The following SPON1 variants were observed in gnomAD, a reference collection of about 807,000 sequenced individuals.
The protein encoded by SPON1 is spondin-1.
SPON1 carries 52 observed loss-of-function variants against 111.7 expected under a neutral mutation model. The observed-to-expected ratio is 0.47, with a 90% CI of 0.37 to 0.59. SPON1 has a LOEUF of 0.59. Ranked by LOEUF, SPON1 falls within the 20% of genes least tolerant of loss-of-function variation. The pLI is 0.00. For synonymous variants in SPON1, 410 were observed against 395.8 expected, an observed-to-expected ratio of 1.04 and a Z score of -0.43; for missense variants, 957 against 1,068.5, an observed-to-expected ratio of 0.90 and a Z score of 1.46.
intron 15 of SPON1, among the ~76,000 whole-genome samples, chr11:14,264,854 GGAA>G (rs1237834852): frequency 6.6e-6 from 1 of 152,158 alleles, no homozygotes. Flanking sequence ...ATGCTGAGTA[GGAA>G]GAACAAAAAT....
chr11:13,978,796 G>A (rs77300238), intron 1 of SPON1, among the ~76,000 whole-genome samples: 2,586 of 152,176 alleles, frequency 0.017, 54 homozygotes, highest in African/African-American at 0.058. Context: ...AATACAACAG[G>A]GCGACATGAC....
At chr11:14,190,310 A>AT (rs1415008331) in intron 6 of SPON1, among the ~76,000 whole-genome samples, 1 of 152,214 alleles carries the variant, frequency 6.6e-6, no homozygotes, top group Admixed American at 6.5e-5. Flanking sequence ...TAAGCTGATC[A>AT]TTTTTTAAAA....
intron 1 of SPON1, among the ~76,000 whole-genome samples, chr11:13,973,750 A>ATTAAATATTACTG (rs1848080947): frequency 6.6e-6 from 1 of 152,230 alleles, no homozygotes; most frequent in African/African-American, 2.4e-5. Flanking sequence ...GGTAAATACT[A>ATTAAATATTACTG]TTAAATATTA....
At chr11:14,138,281 G>A (rs977886845) in intron 6 of SPON1, among the ~76,000 whole-genome samples, 1 of 151,908 alleles carries the variant, frequency 6.6e-6, no homozygotes, top group African/African-American at 2.4e-5. Context: ...TATTCTTGGA[G>A]GTAAATTTTA....
At chr11:14,128,816 A>G (rs1554927262) in intron 5 of SPON1, among the ~76,000 whole-genome samples, 3 of 152,188 alleles carry the variant, frequency 2.0e-5, no homozygotes, top group East Asian at 1.9e-4. Flanking sequence ...GAGGTCCCCA[A>G]ACCTCAATTC....
At chr11:14,249,699 C>T (rs1554940524) in intron 7 of SPON1, among the ~76,000 whole-genome samples, 1 of 152,160 alleles carries the variant, frequency 6.6e-6, no homozygotes, top group African/African-American at 2.4e-5. Context: ...GTATCAAAAT[C>T]CTTTCTTACC....
rs184604221 is a variant in SPON1, at chr11:14,135,817, T to C, written c.825+249T>C. Among the ~76,000 whole-genome samples, 1 of 152,288 alleles carries C rather than the reference T, an allele frequency of 6.6e-6. No homozygotes were observed. The highest frequency in any genetic ancestry group is 1.9e-4 in the East Asian group (1 of 5,180). On this transcript the variant is annotated intron_variant, in intron 6 of 15. Coordinates refer to ENST00000576479, the MANE Select transcript of SPON1 (RefSeq NM_006108.4). The surrounding 1 kb of genome is among the most constrained non-coding windows in gnomAD (Gnocchi z 4.4). ...GCTAAATGCTGCTGCTGTGGCCATA[T>C]TGTTGGGATGCCTTGTCTCTAGTCT...
At chr11:14,160,744 A>ATT (rs1847922896) in intron 6 of SPON1, among the ~76,000 whole-genome samples, 4 of 37,866 alleles carry the variant, frequency 1.1e-4, no homozygotes, top group East Asian at 1.2e-3. Context: ...TATTTAATTT[A>ATT]TATATATTTA....
intron 2 of SPON1, among the ~76,000 whole-genome samples, chr11:14,016,745 A>C (rs1848446776): frequency 6.6e-6 from 1 of 152,228 alleles, no homozygotes; most frequent in South Asian, 2.1e-4. Flanking sequence ...TTTGGAGACT[A>C]AAATTGGGAA....
At chr11:14,034,761 C>G (rs921126737) in intron 2 of SPON1, among the ~76,000 whole-genome samples, 3 of 152,216 alleles carry the variant, frequency 2.0e-5, no homozygotes, top group African/African-American at 7.2e-5. Context: ...GCTCCAGTTC[C>G]TCATCTGTAA....
At chr11:13,982,301 TG>T (rs1848150692) in intron 1 of SPON1, among the ~76,000 whole-genome samples, 1 of 152,180 alleles carries the variant, frequency 6.6e-6, no homozygotes, top group Non-Finnish European at 1.5e-5. Flanking sequence ...AGGGGGCTAC[TG>T]TATATCATGT....
intron 6 of SPON1, among the ~76,000 whole-genome samples, chr11:14,238,762 C>A (rs1407577891): frequency 6.6e-6 from 1 of 152,146 alleles, no homozygotes; most frequent in Admixed American, 6.5e-5. Context: ...GTTGTATCCC[C>A]ACAATATGCT....
chr11:14,032,549 C>A (rs1257341107), intron 2 of SPON1, among the ~76,000 whole-genome samples: 2 of 152,152 alleles, frequency 1.3e-5, no homozygotes, highest in Non-Finnish European at 2.9e-5. Flanking sequence ...GCTGCTTCGT[C>A]AATACTATCT....
intron 3 of SPON1, among the ~76,000 whole-genome samples, chr11:14,063,017 T>C (rs559985566): frequency 2.0e-5 from 3 of 151,832 alleles, no homozygotes; most frequent in South Asian, 4.2e-4. Context: ...TTTTTTCCTC[T>C]CTTCTCGGTG....
In SPON1 at chr11:14,259,775, C is replaced by A; in HGVS notation, c.1831+74C>A. On this transcript the variant is annotated intron_variant, in intron 13 of 15. Coordinates refer to ENST00000576479, the MANE Select transcript of SPON1 (RefSeq NM_006108.4). This position sits in a 1 kb window ranked among gnomAD's most constrained non-coding sequence, Gnocchi z 5.0. Reference sequence around the variant, plus strand: ...TGGAGGGCCATGGCATCCACTATTACCACCATAAAGGTCGGAGGCTGAGCA... The same window carrying A: ...TGGAGGGCCATGGCATCCACTATTAACACCATAAAGGTCGGAGGCTGAGCA... 6.8e-7 allele frequency: 1 copy of A among 1,467,036 alleles called. No individual in the cohort carries two copies. The highest frequency in any genetic ancestry group is 9.2e-7 in the Non-Finnish European group (1 of 1,086,678). The allele number at this position is 1,467,036 out of a possible 1,614,324, so 90.9% of individuals were successfully genotyped here.
chr11:14,184,970 A>G (rs571861118), intron 6 of SPON1, among the ~76,000 whole-genome samples: 1 of 152,344 alleles, frequency 6.6e-6, no homozygotes, highest in Admixed American at 6.5e-5. Context: ...AGGGTACACC[A>G]TGAAGAACCC....
intron 15 of SPON1, 36 bp downstream of exon 15, chr11:14,263,011 G>A (rs1344993671): frequency 6.2e-7 from 1 of 1,602,100 alleles, no homozygotes; most frequent in Non-Finnish European, 8.5e-7. Flanking sequence ...GTGGTCTCCA[G>A]GACAGGCAGG....
chr11:14,206,097 T>C (rs1306467925), intron 6 of SPON1, among the ~76,000 whole-genome samples: 2 of 152,290 alleles, frequency 1.3e-5, no homozygotes, highest in African/African-American at 2.4e-5. Context: ...ATACTTGCAA[T>C]TGTATTGCAT....
chr11:13,973,458 T>A (rs1219967746), intron 1 of SPON1, among the ~76,000 whole-genome samples: 1 of 152,212 alleles, frequency 6.6e-6, no homozygotes, highest in Non-Finnish European at 1.5e-5. Flanking sequence ...CCATTATTCC[T>A]CCTGCTATCC....
Sources: allele counts gnomAD v4.1 joint callset (sites outside exome capture counted in the v4.1 genomes callset), GRCh38; gene constraint gnomAD v4.1.1; non-coding constraint Gnocchi (gnomAD v3.1); transcripts MANE v1.5; gene names NCBI Gene and HGNC (gene_info 2026-07-23, HGNC 2026-07-21).